The following HMCN1 variants were observed in gnomAD, a reference collection of about 807,000 sequenced individuals.
HMCN1 encodes the protein hemicentin 1, also known as hemicentin-1.
A neutral mutation model predicts 625.9 loss-of-function variants in HMCN1; 321 were observed. The ratio of observed to expected loss-of-function variants is 0.51; its 90% confidence interval spans 0.47 to 0.56. The LOEUF is 0.56. Ranked by LOEUF, HMCN1 falls within the 20% of genes least tolerant of loss-of-function variation. The pLI is 0.00. For missense variants in HMCN1, 6,588 were observed against 6,887.3 expected, an observed-to-expected ratio of 0.96 and a Z score of 1.54; for synonymous variants, 2,425 against 2,417.6, an observed-to-expected ratio of 1.00 and a Z score of -0.09.
At position 186,087,945 on chromosome 1, in the gene HMCN1, G is replaced by A. The variant is rs146544923; in HGVS notation, c.9377G>A (p.Gly3126Asp). 5.0e-6 allele frequency: 8 copies of A among 1,612,652 alleles called. No individual in the cohort carries two copies. The highest frequency in any genetic ancestry group is 6.8e-6 in the Non-Finnish European group (8 of 1,179,070). The part of the protein sequence containing the change: ...HIKKAEVSDT[G>D]QYVCRAINVA... ...TTTTTCTTTTAGGTATCTGACACAG[G>A]CCAGTATGTATGTAGAGCTATAAAT... The change falls in exon 61 of 107, where the codon GGC (glycine) becomes GAC (aspartate). Residue 3126 changes from glycine (G) to aspartate (D), a missense_variant. Gly to Asp is a moderately conservative substitution (Grantham distance 94). This residue lies in a region of HMCN1 where 4,628 missense variants were observed against 4,853.1 expected (regional missense o/e 0.95). Transcript: ENST00000271588.
chr1:185,958,535 T>C (rs554352370), intron 11 of HMCN1, among the ~76,000 whole-genome samples: 2 of 152,314 alleles, frequency 1.3e-5, no homozygotes, highest in African/African-American at 4.8e-5. Flanking sequence ...ATGCTATAAC[T>C]TTATTTGGTC....
intron 1 of HMCN1, among the ~76,000 whole-genome samples, chr1:185,778,412 A>G (rs1437943239): frequency 6.6e-6 from 1 of 151,376 alleles, no homozygotes; most frequent in East Asian, 1.9e-4. Flanking sequence ...TTTGTTACAT[A>G]TGTATACATG....
chr1:186,173,041 A>C (rs1652331116), intron 102 of HMCN1, among the ~76,000 whole-genome samples: 1 of 152,216 alleles, frequency 6.6e-6, no homozygotes, highest in Non-Finnish European at 1.5e-5. Context: ...AGCTGAACTT[A>C]AGCATAAAGT....
chr1:186,040,886 G>A (rs757508469), intron 39 of HMCN1, 127 bp from the exon 40 acceptor site: 29 of 963,390 alleles, frequency 3.0e-5, no homozygotes, highest in Non-Finnish European at 4.3e-5. Context: ...ACTTAAAAAT[G>A]TCCAAGGGAA....
At chr1:185,913,311 G>T (rs1475175150) in intron 6 of HMCN1, among the ~76,000 whole-genome samples, 2 of 152,070 alleles carry the variant, frequency 1.3e-5, no homozygotes, top group African/African-American at 2.4e-5. Context: ...TTTATTGAGT[G>T]TATTAGATTG....
At chr1:186,100,661 A>G (rs1237293830) in intron 68 of HMCN1, among the ~76,000 whole-genome samples, 1 of 152,200 alleles carries the variant, frequency 6.6e-6, no homozygotes, top group African/African-American at 2.4e-5. Context: ...GACCAGGACA[A>G]GAATGGATTC....
intron 4 of HMCN1, among the ~76,000 whole-genome samples, chr1:185,904,315 CTGCCAT>C (rs1379736746): frequency 2.6e-5 from 4 of 151,762 alleles, no homozygotes; most frequent in Admixed American, 2.6e-4. Flanking sequence ...TTTGTAAAGC[CTGCCAT>C]TGCTATAACA....
chr1:186,132,339 C>T lies in HMCN1; in HGVS notation c.13242C>T (p.Ala4414=), dbSNP rs1399317038. 21 of 1,612,046 alleles carry T rather than the reference C, an allele frequency of 1.3e-5. No homozygotes were observed. Among genetic ancestry groups the T allele is most frequent in the South Asian group, 3.3e-5 (3 of 90,854 alleles). The change falls in exon 86 of 107, where the codon GCC becomes GCT. Residue 4414 remains alanine (A), a synonymous_variant. Coordinates refer to ENST00000271588, the MANE Select transcript of HMCN1 (RefSeq NM_031935.3). ...GCTTATTTCCATAGAATGAAGATGC[C>T]GGTGACTATACATGTGTAGCTACCA... ...LAIYGTVNED[A]GDYTCVATNE... is the part of the protein sequence containing the mutation.
chr1:186,050,187 A>T (rs979653656), intron 42 of HMCN1, among the ~76,000 whole-genome samples: 3 of 151,866 alleles, frequency 2.0e-5, no homozygotes, highest in African/African-American at 4.8e-5. Context: ...GAGAAAAAAG[A>T]AAAATTAGGA....
At chr1:185,913,772 A>G (rs957626490) in intron 6 of HMCN1, among the ~76,000 whole-genome samples, 1 of 152,184 alleles carries the variant, frequency 6.6e-6, no homozygotes, top group African/African-American at 2.4e-5. Context: ...ACAAATATTC[A>G]TTCAGTCATG....
intron 30 of HMCN1, among the ~76,000 whole-genome samples, chr1:186,014,834 T>C (rs1339321832): frequency 1.3e-5 from 2 of 152,142 alleles, no homozygotes; most frequent in Non-Finnish European, 2.9e-5. Flanking sequence ...AAACTTGCTG[T>C]GTCTCCTTTG....
chr1:185,845,242 T>G (rs1398616824), intron 1 of HMCN1, among the ~76,000 whole-genome samples: 1 of 152,164 alleles, frequency 6.6e-6, no homozygotes, highest in Non-Finnish European at 1.5e-5. Context: ...TTTTTTGAGA[T>G]GGAGTCTCGC....
At chr1:185,887,403 C>A (rs1404566692) in intron 4 of HMCN1, among the ~76,000 whole-genome samples, 1 of 151,128 alleles carries the variant, frequency 6.6e-6, no homozygotes, top group Non-Finnish European at 1.5e-5. Context: ...GTGTGCTGCA[C>A]CCACTAACTC....
intron 105 of HMCN1, among the ~76,000 whole-genome samples, chr1:186,184,826 C>CA (rs1456186793): frequency 2.0e-5 from 3 of 152,110 alleles, no homozygotes; most frequent in African/African-American, 7.2e-5. Context: ...ATTTATGTTA[C>CA]AAAATACTTT....
intron 98 of HMCN1, 46 bp downstream of exon 98, chr1:186,165,219 A>G: frequency 6.6e-7 from 1 of 1,506,806 alleles, no homozygotes; most frequent in Non-Finnish European, 9.2e-7. Flanking sequence ...TGAAAATGTC[A>G]ATATTGGATA....
chr1:185,990,319 A>G lies in HMCN1; in HGVS notation c.3253A>G (p.Lys1085Glu). Residue 1085 changes from lysine (K) to glutamate (E), a missense_variant, in exon 22 of 107, where the codon AAG becomes GAG. This residue lies in a region of HMCN1 where 4,628 missense variants were observed against 4,853.1 expected (regional missense o/e 0.95). Transcript: ENST00000271588. ...FGDQRGLSQD[K>E]PVEISVLAGE... ...AGATCAACGAGGACTGTCCCAGGAT[A>G]AGCCTGTTGAGATCTCCGTCCTTGC... 1 of 1,613,982 alleles carries G rather than the reference A, an allele frequency of 6.2e-7. No homozygotes were observed. The highest frequency in any genetic ancestry group is 1.1e-5 in the South Asian group (1 of 91,080).
intron 2 of HMCN1, among the ~76,000 whole-genome samples, chr1:185,852,197 AGAG>A (rs963229323): frequency 6.6e-5 from 10 of 152,008 alleles, no homozygotes; most frequent in African/African-American, 2.4e-4. Flanking sequence ...ACTGCTAAAA[AGAG>A]GAGAACAAGA....
At position 186,040,075 on chromosome 1, in the gene HMCN1, T is replaced by C. The variant is rs10911804; in HGVS notation, c.6180+196T>C. 6.3e-3 allele frequency among the ~76,000 whole-genome samples: 963 copies of C among 152,314 alleles called. 14 individuals are homozygous for C. Among genetic ancestry groups the C allele is most frequent in the African/African-American group, 0.022 (900 of 41,578 alleles). The stretch of plus-strand genomic sequence containing the variant: ...CAATTCATTAAAAGCTCACTGTTTC[T>C]AAGAGTTCCCTTATCTTACTTTTAG... On this transcript the variant is annotated intron_variant, in intron 39 of 106. Transcript: ENST00000271588.
chr1:186,024,154 C>T (rs961417482), intron 36 of HMCN1, among the ~76,000 whole-genome samples: 3 of 152,056 alleles, frequency 2.0e-5, no homozygotes, highest in Non-Finnish European at 4.4e-5. Context: ...ATACGTAAAC[C>T]ATGTGGGTCT....
Sources: gnomAD v4.1 joint callset for allele counts (sites outside exome capture counted in the v4.1 genomes callset) on GRCh38, gnomAD v4.1.1 for gene constraint, gnomAD v4.1.1 regional missense constraint, MANE v1.5 for transcripts, NCBI Gene and HGNC (gene_info 2026-07-23, HGNC 2026-07-21) for gene names.